CCNH: variants seen among roughly 807,000 people sequenced by gnomAD.
CCNH encodes the protein cyclin H, also known as cyclin-H.
In CCNH, 31 loss-of-function variants were observed where a neutral mutation model predicts 41.9. That is an observed-to-expected ratio of 0.74 (90% CI 0.56 to 1.00). The LOEUF is 1.00. Ranked by LOEUF, CCNH falls within the 50% of genes least tolerant of loss-of-function variation. The pLI is 0.00. For missense variants in CCNH, 362 were observed against 388.4 expected, an observed-to-expected ratio of 0.93 and a Z score of 0.57; for synonymous variants, 138 against 136.1, an observed-to-expected ratio of 1.01 and a Z score of -0.10.
At chr5:87,383,823 T>C (rs80152927) in intron 9 of CCNH, 1 of 1,506,628 alleles carries the variant, frequency 6.6e-7, no homozygotes, top group Admixed American at 1.7e-5. Context: ...AATATTAGAA[T>C]TAACAGTTTC....
intron 9 of CCNH, among the ~76,000 whole-genome samples, chr5:87,351,241 T>G (rs1759249449): frequency 6.6e-6 from 1 of 151,644 alleles, no homozygotes; most frequent in Admixed American, 6.6e-5. Context: ...ATTTATCGAC[T>G]TATCTACTTT....
chr5:87,348,248 G>A (rs945956385), intron 9 of CCNH, among the ~76,000 whole-genome samples: 3 of 151,896 alleles, frequency 2.0e-5, no homozygotes, highest in African/African-American at 7.3e-5. Flanking sequence ...TGAACATGAA[G>A]TTACTTCATA....
chr5:87,323,995 T>C (rs1181851104), intron 9 of CCNH, among the ~76,000 whole-genome samples: 1 of 152,198 alleles, frequency 6.6e-6, no homozygotes, highest in African/African-American at 2.4e-5. Context: ...TTCTGTCGTA[T>C]TTACTGTTAT....
At chr5:87,379,941 C>T (rs1406371082), upstream of CCNH, 2 of 1,276,694 alleles carry the variant, frequency 1.6e-6, no homozygotes, top group Admixed American at 3.9e-5. Flanking sequence ...TTCTGTTGTC[C>T]TAATATTATT....
chr5:87,344,472 T>C (rs1292354283), intron 9 of CCNH, among the ~76,000 whole-genome samples: 1 of 152,118 alleles, frequency 6.6e-6, no homozygotes, highest in Non-Finnish European at 1.5e-5. Context: ...ATCTGTAGTT[T>C]CCTAATCTCC....
At chr5:87,345,587 C>G (rs530839077) in intron 9 of CCNH, among the ~76,000 whole-genome samples, 8 of 152,254 alleles carry the variant, frequency 5.3e-5, no homozygotes, top group African/African-American at 1.9e-4. Flanking sequence ...ACCAGGAGAT[C>G]TGAATCAGTG....
At chr5:87,339,800 C>T (rs562237727) in intron 9 of CCNH, among the ~76,000 whole-genome samples, 95 of 152,154 alleles carry the variant, frequency 6.2e-4, no homozygotes, top group African/African-American at 2.3e-3. Context: ...CATTTATAAA[C>T]AATTTTCACT....
At chr5:87,383,583 T>G in intron 9 of CCNH, 1 of 628,138 alleles carries the variant, frequency 1.6e-6, no homozygotes, top group South Asian at 2.6e-5. Context: ...TGGGCTTTCT[T>G]TTATTGGTTT....
At chr5:87,336,450 T>A (rs989130891) in intron 9 of CCNH, among the ~76,000 whole-genome samples, 1 of 152,102 alleles carries the variant, frequency 6.6e-6, no homozygotes, top group Admixed American at 6.5e-5. Flanking sequence ...ATGAGTCTTT[T>A]AAAAAGTTTA....
Position 87,349,383 on chromosome 5 carries a change from G to T in CCNH, c.*91-30486C>A, listed in dbSNP as rs374702293. ...ATAACAGGTAAATCATAATTTTTTA[G>T]CTATCTTTTACTTTTCGCAAAAATA... On this transcript the variant is annotated intron_variant and NMD_transcript_variant, in intron 9 of 9. Transcript: ENST00000645953. 19 of 1,610,200 alleles carry T rather than the reference G, an allele frequency of 1.2e-5. No individual in the cohort carries two copies. Among genetic ancestry groups the T allele is most frequent in the Non-Finnish European group, 1.5e-5 (18 of 1,177,634 alleles).
intron 9 of CCNH, among the ~76,000 whole-genome samples, chr5:87,344,894 TC>T (rs1329525481): frequency 1.3e-5 from 2 of 151,906 alleles, no homozygotes; most frequent in Non-Finnish European, 2.9e-5. Context: ...ATTCATCACT[TC>T]CCCCTAGAAA....
downstream of CCNH, chr5:87,389,221 C>T: frequency 1.5e-6 from 1 of 677,916 alleles, no homozygotes; most frequent in South Asian, 1.8e-5. Flanking sequence ...ATCCCAGCTA[C>T]TTGGGAGGCT....
chr5:87,379,871 T>C, upstream of CCNH: 4 of 1,608,134 alleles, frequency 2.5e-6, no homozygotes, highest in Non-Finnish European at 2.6e-6. Context: ...AAATTTTCAT[T>C]TGACAAGAAA....
chr5:87,393,082 A>C (rs1288742106), downstream of CCNH, among the ~76,000 whole-genome samples: 2 of 152,014 alleles, frequency 1.3e-5, no homozygotes, highest in East Asian at 3.8e-4. Flanking sequence ...GAGAAAAAAA[A>C]AAAACCCACA....
chr5:87,379,368 G>GT (rs540694776), upstream of CCNH, among the ~76,000 whole-genome samples: 164 of 152,252 alleles, frequency 1.1e-3, 1 homozygote, highest in South Asian at 0.018. Flanking sequence ...GATCAGAAGG[G>GT]TTACAGGAAA....
intron 9 of CCNH, among the ~76,000 whole-genome samples, chr5:87,357,393 C>G (rs1266214513): frequency 1.3e-5 from 2 of 152,046 alleles, no homozygotes; most frequent in Non-Finnish European, 2.9e-5. Context: ...AATTCTAATT[C>G]CCCTTGGCTC....
Position 87,328,767 on chromosome 5 carries a change from G to A in CCNH, c.*91-9870C>T, listed in dbSNP as rs1348440957. ...TTTATATTTATATAAAAGATTGTGG[G>A]TTAAAAAATGGTTGAGAAATACTGT... On this transcript the variant is annotated intron_variant and NMD_transcript_variant, in intron 9 of 9. Coordinates refer to the CCNH transcript ENST00000645953. Among the ~76,000 whole-genome samples, 4 of 152,104 alleles carry A rather than the reference G, an allele frequency of 2.6e-5. No homozygotes were observed. In the East Asian group the frequency reaches 5.8e-4, roughly 22 times the overall value.
chr5:87,319,308 C>G (rs113628931), intron 9 of CCNH, among the ~76,000 whole-genome samples: 2,688 of 152,338 alleles, frequency 0.018, 34 homozygotes, highest in Middle Eastern at 0.065. Context: ...CTAGTGGAGA[C>G]TCTCTGTGAG....
At chr5:87,369,002 A>G (rs1483561908) in intron 9 of CCNH, among the ~76,000 whole-genome samples, 2 of 152,194 alleles carry the variant, frequency 1.3e-5, no homozygotes, top group Non-Finnish European at 2.9e-5. Context: ...CTTTTAAGAC[A>G]TTCTCAAAGC....
Sources: allele counts gnomAD v4.1 joint callset (sites outside exome capture counted in the v4.1 genomes callset), GRCh38; gene constraint gnomAD v4.1.1; transcripts MANE v1.5; gene names NCBI Gene and HGNC (gene_info 2026-07-23, HGNC 2026-07-21).